Variants in MAP2K6 observed in about 807,000 individuals in gnomAD.
The protein encoded by MAP2K6 is dual specificity mitogen-activated protein kinase kinase 6.
MAP2K6 carries 16 observed loss-of-function variants against 53.7 expected under a neutral mutation model. The observed-to-expected ratio is 0.30, with a 90% CI of 0.20 to 0.45. The LOEUF (loss-of-function observed/expected upper bound fraction) is 0.45. Among genes scored for constraint, MAP2K6 ranks in the 20% least tolerant of loss-of-function variants. The pLI, the probability that MAP2K6 is intolerant of heterozygous loss-of-function variation, is 1.00. For missense variants in MAP2K6, 204 were observed against 411.9 expected, an observed-to-expected ratio of 0.50 and a Z score of 4.37; for synonymous variants, 132 against 143.1, an observed-to-expected ratio of 0.92 and a Z score of 0.55.
chr17:69,499,831 T>C (rs1474622829), intron 1 of MAP2K6, among the ~76,000 whole-genome samples: 1 of 152,216 alleles, frequency 6.6e-6, no homozygotes, highest in African/African-American at 2.4e-5. Flanking sequence ...CGTGGAGATC[T>C]ATTGTAGAGA....
chr17:69,502,249 G>A, intron 1 of MAP2K6: 4 of 985,416 alleles, frequency 4.1e-6, no homozygotes, highest in Non-Finnish European at 4.8e-6. Flanking sequence ...TGAGGAGGGG[G>A]TGGAGTCTGT....
In MAP2K6 at chr17:69,520,339, A is replaced by G. The variant is rs749127643; in HGVS notation, c.436A>G (p.Lys146Glu). The change falls in exon 6 of 12, where the codon AAA (lysine) becomes GAA (glutamate). Residue 146 changes from lysine to glutamate, a missense_variant. Physicochemically the swap from Lys to Glu is moderately conservative, Grantham distance 56. This residue lies in a region of MAP2K6 where 129 missense variants were observed against 247.1 expected (regional missense o/e 0.52). Coordinates refer to ENST00000590474, the MANE Select transcript of MAP2K6 (RefSeq NM_002758.4). ...LDKFYKQVID[K>E]GQTIPEDILG... is the part of the protein sequence containing the mutation. ...TAAATTCTACAAACAAGTTATTGAT[A>G]AAGGCCAGACAATTCCAGAGGACAT... is the stretch of plus-strand genomic sequence containing the variant. The G allele has an allele frequency of 2.5e-6, 4 of 1,613,054 alleles. No homozygotes were observed. The highest frequency in any genetic ancestry group is 3.4e-6 in the Non-Finnish European group (4 of 1,179,508).
chr17:69,430,744 G>A (rs186540848), intron 1 of MAP2K6, among the ~76,000 whole-genome samples: 1 of 152,192 alleles, frequency 6.6e-6, no homozygotes, highest in African/African-American at 2.4e-5. Flanking sequence ...AAGCCACTTC[G>A]TTTAAGACAG....
intron 10 of MAP2K6, among the ~76,000 whole-genome samples, chr17:69,532,906 A>T (rs1302153177): frequency 6.6e-6 from 1 of 151,996 alleles, no homozygotes; most frequent in Non-Finnish European, 1.5e-5. Flanking sequence ...TATTTTCTTT[A>T]TACAGAGTTA....
intron 1 of MAP2K6, among the ~76,000 whole-genome samples, chr17:69,490,772 A>G (rs1159794302): frequency 6.6e-6 from 1 of 151,956 alleles, no homozygotes; most frequent in Non-Finnish European, 1.5e-5. Context: ...TTATATAGGT[A>G]GACTTGTGTC....
intron 4 of MAP2K6, among the ~76,000 whole-genome samples, chr17:69,518,177 G>A (rs2145253220): frequency 6.6e-6 from 1 of 150,944 alleles, no homozygotes; most frequent in Non-Finnish European, 1.5e-5. Flanking sequence ...ACAACAGAGT[G>A]AGACTCCATC....
intron 5 of MAP2K6, chr17:69,519,699 A>T (rs982340397): frequency 2.4e-6 from 1 of 419,800 alleles, no homozygotes. Context: ...AACTTTCTAT[A>T]TCGCCTATAG....
intron 1 of MAP2K6, among the ~76,000 whole-genome samples, chr17:69,444,852 G>A (rs1219946060): frequency 6.6e-6 from 1 of 152,216 alleles, no homozygotes; most frequent in African/African-American, 2.4e-5. Context: ...CAAGTTGGCT[G>A]TTGCATACAT....
intron 1 of MAP2K6, among the ~76,000 whole-genome samples, chr17:69,501,023 C>T (rs1159101752): frequency 6.6e-6 from 1 of 152,190 alleles, no homozygotes; most frequent in Non-Finnish European, 1.5e-5. Flanking sequence ...TGATACTTCA[C>T]TGCTGGTTTT....
intron 10 of MAP2K6, among the ~76,000 whole-genome samples, chr17:69,529,793 G>A (rs1910985665): frequency 6.6e-6 from 1 of 152,124 alleles, no homozygotes; most frequent in Admixed American, 6.5e-5. Flanking sequence ...TTACAGGCTT[G>A]AGCCACTGCG....
chr17:69,513,249 T>C (rs1909961804), intron 2 of MAP2K6, among the ~76,000 whole-genome samples: 1 of 152,236 alleles, frequency 6.6e-6, no homozygotes, highest in African/African-American at 2.4e-5. Context: ...ATTATTTTCA[T>C]TAGAGGAGGC....
chr17:69,453,999 T>C (rs77739079), intron 1 of MAP2K6, among the ~76,000 whole-genome samples: 3,696 of 152,330 alleles, frequency 0.024, 135 homozygotes, highest in African/African-American at 0.084. Flanking sequence ...AGAAGGAAAT[T>C]TACCCATGTA....
chr17:69,473,001 C>T (rs1908033003), intron 1 of MAP2K6, among the ~76,000 whole-genome samples: 2 of 152,230 alleles, frequency 1.3e-5, no homozygotes, highest in Admixed American at 1.3e-4. Flanking sequence ...GCCAATGCGC[C>T]TGGCCTATTC....
intron 1 of MAP2K6, among the ~76,000 whole-genome samples, chr17:69,476,731 C>G (rs1908163083): frequency 6.6e-6 from 1 of 152,152 alleles, no homozygotes; most frequent in African/African-American, 2.4e-5. Context: ...TGGAAGTGGT[C>G]TGTTATGATC....
rs1161343875 is a variant in MAP2K6, at chr17:69,414,700, T to C, written c.-285T>C. 1 of 383,484 alleles carries C rather than the reference T, an allele frequency of 2.6e-6. No homozygotes were observed. Among genetic ancestry groups the C allele is most frequent in the African/African-American group, 2.1e-5 (1 of 48,498 alleles). 23.8% of individuals were successfully genotyped at this position (383,484 alleles called of 1,614,324 possible). On this transcript the variant is annotated 5_prime_UTR_variant, in exon 1 of 12. Transcript: ENST00000590474. ...ACGTCTGCGCACTAAGATACTCAGT[T>C]CCAAGTTTGGAGCTTTTAGCTGCCA...
chr17:69,447,782 G>T (rs1360733066), intron 1 of MAP2K6, among the ~76,000 whole-genome samples: 1 of 152,204 alleles, frequency 6.6e-6, no homozygotes, highest in East Asian at 1.9e-4. Flanking sequence ...AGCATTAGTG[G>T]GCCAGGGAAG....
chr17:69,551,773 A>G lies in MAP2K6; in HGVS notation c.*10020A>G, dbSNP rs1912110307. ...TTAGAGGAAAAGTATTTTTTTGTGT[A>G]ATTTGCTTACACAACTAGGACATAC... On this transcript the variant is annotated 3_prime_UTR_variant, in exon 12 of 12. Transcript: ENST00000590474. The G allele has an allele frequency of 6.6e-6, 1 of 152,198 alleles. No individual in the cohort carries two copies. Among genetic ancestry groups the G allele is most frequent in the Non-Finnish European group, 1.5e-5 (1 of 68,022 alleles). 9.4% of individuals were successfully genotyped at this position (152,198 alleles called of 1,614,324 possible). A position where few individuals can be genotyped will look rare whatever the true frequency, so the allele number is the denominator to read the frequency against.
intron 1 of MAP2K6, among the ~76,000 whole-genome samples, chr17:69,416,890 CA>C (rs1393785953): frequency 6.6e-6 from 1 of 152,116 alleles, no homozygotes; most frequent in Non-Finnish European, 1.5e-5. Context: ...CTCCTTTTTG[CA>C]TATTTTTGGG....
intron 1 of MAP2K6, among the ~76,000 whole-genome samples, chr17:69,476,010 G>A: frequency 6.6e-6 from 1 of 152,136 alleles, no homozygotes; most frequent in Non-Finnish European, 1.5e-5. Context: ...TGTATAATAA[G>A]GTTGAGCAAA....
Sources: allele counts gnomAD v4.1 joint callset (sites outside exome capture counted in the v4.1 genomes callset), GRCh38; gene constraint gnomAD v4.1.1; regional missense constraint gnomAD v4.1.1; transcripts MANE v1.5; gene names NCBI Gene and HGNC (gene_info 2026-07-23, HGNC 2026-07-21).